TANK: variants seen among roughly 807,000 people sequenced by gnomAD.
The protein encoded by TANK is TRAF family member-associated NF-kappa-B activator.
Under a neutral mutation model 43.6 loss-of-function variants are expected in TANK, and 15 were observed. That is an observed-to-expected ratio of 0.34 (90% CI 0.23 to 0.53). The LOEUF is 0.53. Among genes scored for constraint, TANK ranks in the 20% least tolerant of loss-of-function variants. TANK has a pLI of 0.94. For synonymous variants in TANK, 162 were observed against 178.2 expected (o/e 0.91, Z 0.73); for missense variants, 417 against 498.6 (o/e 0.84, Z 1.56).
chr2:161,155,270 T>A (rs1684194588), intron 1 of TANK, among the ~76,000 whole-genome samples: 1 of 152,128 alleles, frequency 6.6e-6, no homozygotes. Context: ...ACCATATTAT[T>A]ATTATTAAAT....
At chr2:161,220,301 C>G (rs1326274393) in intron 4 of TANK, among the ~76,000 whole-genome samples, 1 of 152,156 alleles carries the variant, frequency 6.6e-6, no homozygotes, top group East Asian at 1.9e-4. Context: ...TCAGAATTAT[C>G]TTTAAAAATT....
intron 4 of TANK, among the ~76,000 whole-genome samples, chr2:161,219,130 T>C (rs748926546): frequency 3.9e-5 from 6 of 152,188 alleles, no homozygotes; most frequent in South Asian, 2.1e-4. Context: ...AGAAGACAGA[T>C]AGTAGAAAAG....
At chr2:161,211,789 T>G (rs1020410206) in intron 4 of TANK, 2 of 985,456 alleles carry the variant, frequency 2.0e-6, no homozygotes, top group Non-Finnish European at 2.4e-6. Flanking sequence ...AGGCTGGGGC[T>G]TAGAGAACTG....
At chr2:161,156,248 T>G, upstream of TANK, 5 of 985,442 alleles carry the variant, frequency 5.1e-6, no homozygotes, top group Non-Finnish European at 6.0e-6. Context: ...GCTTTTACTC[T>G]AATCATTGAT....
intron 4 of TANK, chr2:161,212,041 C>A: frequency 2.3e-6 from 2 of 852,964 alleles, no homozygotes; most frequent in Non-Finnish European, 2.8e-6. Context: ...TCAGTTTTTT[C>A]CAAAGAGTCA....
At chr2:161,228,734 C>T (rs774041139) in intron 6 of TANK, among the ~76,000 whole-genome samples, 2 of 152,186 alleles carry the variant, frequency 1.3e-5, no homozygotes, top group Non-Finnish European at 2.9e-5. Flanking sequence ...AACCTCCGGT[C>T]CTGCAAATTC....
In TANK at chr2:161,208,260, A is replaced by T. The variant is rs116185243; in HGVS notation, c.327+3467A>T. On this transcript the variant is annotated intron_variant, in intron 4 of 7. Coordinates refer to ENST00000392749, the MANE Select transcript of TANK (RefSeq NM_001199135.3). ...TGAAGGGGAAAGAGGCCCTTTTAGA[A>T]AATTTTACTTAAGAAACATGAAATT... 1.1e-3 allele frequency: 1,097 copies of T among 966,392 alleles called. 12 individuals carry two copies. The African/African-American group carries it at 0.018, about 16-fold the overall frequency. The allele number at this position is 966,392 out of a possible 1,614,324, so 59.9% of individuals were successfully genotyped here. A position where few individuals can be genotyped will look rare whatever the true frequency, so the allele number is the denominator to read the frequency against.
Position 161,179,677 on chromosome 2 carries a change from T to A in TANK, c.15T>A (p.Ile5=). The change falls in exon 2 of 8, where the codon ATT becomes ATA. Residue 5 remains isoleucine, a synonymous_variant. Transcript: ENST00000392749. MDKN[I]GEQLNKAYEA... The stretch of plus-strand genomic sequence containing the variant: ...GACGAAGAGGAATGGATAAAAACAT[T>A]GGCGAGCAACTCAATAAAGCGTATG... 1 of 1,613,280 alleles carries A rather than the reference T, an allele frequency of 6.2e-7. No homozygotes were observed. The highest frequency in any genetic ancestry group is 2.2e-5 in the East Asian group (1 of 44,802).
chr2:161,215,298 C>T (rs943606062), intron 4 of TANK, among the ~76,000 whole-genome samples: 2 of 152,154 alleles, frequency 1.3e-5, no homozygotes, highest in Non-Finnish European at 2.9e-5. Flanking sequence ...ATGTCATGTT[C>T]TAAGAATATT....
At chr2:161,179,427 T>A in intron 1 of TANK, 187 bp from the exon 2 acceptor site, 1 of 457,366 alleles carries the variant, frequency 2.2e-6, no homozygotes, top group East Asian at 3.5e-5. Context: ...AGAATAAGAA[T>A]ATTTTAAAAT....
At chr2:161,147,103 A>C (rs921180590) in intron 1 of TANK, among the ~76,000 whole-genome samples, 1 of 151,980 alleles carries the variant, frequency 6.6e-6, no homozygotes, top group African/African-American at 2.4e-5. Context: ...GTCTGGCCGC[A>C]GTTTGCCACA....
chr2:161,182,503 A>G (rs1270594716), intron 2 of TANK, among the ~76,000 whole-genome samples: 1 of 152,134 alleles, frequency 6.6e-6, no homozygotes, highest in Non-Finnish European at 1.5e-5. Context: ...GATATTTTAC[A>G]GGATATTAAC....
At chr2:161,234,780 A>C (rs1297732321) in intron 7 of TANK, among the ~76,000 whole-genome samples, 2 of 152,250 alleles carry the variant, frequency 1.3e-5, no homozygotes. Context: ...AAAAGATAAC[A>C]TCAGTGAAAT....
At chr2:161,152,397 G>A (rs951562538) in intron 1 of TANK, among the ~76,000 whole-genome samples, 1 of 152,008 alleles carries the variant, frequency 6.6e-6, no homozygotes, top group Non-Finnish European at 1.5e-5. Context: ...TATTTTTGAA[G>A]GATAGTCTTG....
intron 2 of TANK, among the ~76,000 whole-genome samples, chr2:161,187,550 C>T (rs558546012): frequency 1.3e-4 from 20 of 152,116 alleles, no homozygotes; most frequent in Non-Finnish European, 2.5e-4. Flanking sequence ...TATGCCAGAG[C>T]TCCAAAGTAT....
chr2:161,232,832 A>G (rs768388101), intron 7 of TANK: 207 of 1,550,374 alleles, frequency 1.3e-4, no homozygotes, highest in Non-Finnish European at 1.7e-4. Context: ...AACTTGATGG[A>G]AAAGTATTCA....
intron 4 of TANK, among the ~76,000 whole-genome samples, chr2:161,205,862 G>A (rs772045759): frequency 9.2e-5 from 14 of 152,116 alleles, no homozygotes; most frequent in Non-Finnish European, 1.5e-4. Context: ...GGAGTGCAGT[G>A]GTGCAATCTC....
intron 6 of TANK, 125 bp downstream of exon 6, chr2:161,224,871 G>A (rs1429881487): frequency 2.3e-5 from 13 of 558,516 alleles, no homozygotes; most frequent in Middle Eastern, 4.6e-4. Flanking sequence ...CCTCATCCAC[G>A]TATGTTTGAA....
intron 1 of TANK, among the ~76,000 whole-genome samples, chr2:161,149,892 T>C (rs1303561314): frequency 1.3e-5 from 2 of 152,200 alleles, no homozygotes; most frequent in African/African-American, 4.8e-5. Context: ...TTTGCTAGTA[T>C]TTTGTGGAGA....
Sources: allele counts gnomAD v4.1 joint callset (sites outside exome capture counted in the v4.1 genomes callset), GRCh38; gene constraint gnomAD v4.1.1; transcripts MANE v1.5; gene names NCBI Gene and HGNC (gene_info 2026-07-23, HGNC 2026-07-21).